Variants in TTC39A observed in about 807,000 individuals in gnomAD.
The protein encoded by TTC39A is tetratricopeptide repeat domain 39A, also known as tetratricopeptide repeat protein 39A.
TTC39A carries 46 observed loss-of-function variants against 82.3 expected under a neutral mutation model. The observed-to-expected ratio is 0.56, with a 90% CI of 0.44 to 0.71. The LOEUF is 0.71. TTC39A is among the 30% of genes least tolerant of loss of function. The probability of loss-of-function intolerance (pLI) is 0.00; values close to 1 mark genes in which losing one functional copy is unlikely to be tolerated. For synonymous variants in TTC39A, 254 were observed against 275.2 expected (o/e 0.92, Z 0.76); for missense variants, 543 against 712.9 (o/e 0.76, Z 2.71).
Position 51,321,508 on chromosome 1 carries a change from TAAG to T in TTC39A, c.146+210_146+212del, listed in dbSNP as rs892577450. Among the ~76,000 whole-genome samples the T allele has an allele frequency of 5.9e-5, 9 of 152,136 alleles. No homozygotes were observed. Among genetic ancestry groups the T allele is most frequent in the East Asian group, 1.9e-4 (1 of 5,192 alleles). ...AAAGTGTGAAGAACCCTCAAGAGCCTAAGAAGAAGCAAGTCACAGTGACCTTGG... is the reference window on the plus strand; with the variant it reads ...AAAGTGTGAAGAACCCTCAAGAGCCTAAGAAGCAAGTCACAGTGACCTTGG... On this transcript the variant is annotated intron_variant, in intron 2 of 17. Transcript: ENST00000680483. The surrounding 1 kb of genome is among the most constrained non-coding windows in gnomAD (Gnocchi z 4.6).
At chr1:51,340,040 A>G (rs917732167) in intron 1 of TTC39A, among the ~76,000 whole-genome samples, 2 of 152,174 alleles carry the variant, frequency 1.3e-5, no homozygotes, top group African/African-American at 4.8e-5. Context: ...CCATGTGAAG[A>G]CACAGCAAGA....
At chr1:51,334,553 T>G (rs1645951076), upstream of TTC39A, among the ~76,000 whole-genome samples, 1 of 149,950 alleles carries the variant, frequency 6.7e-6, no homozygotes, top group South Asian at 2.1e-4. Flanking sequence ...TACTCCAGAG[T>G]CTGAGGCAGG....
At chr1:51,296,873 C>G (rs1019831369) in intron 12 of TTC39A, 1 of 154,744 alleles carries the variant, frequency 6.5e-6, no homozygotes, top group Non-Finnish European at 1.4e-5. Context: ...ACAGCCAGCC[C>G]TGACAGGGAA....
chr1:51,342,996 A>T (rs925388716), intron 1 of TTC39A: 1 of 455,452 alleles, frequency 2.2e-6, no homozygotes, highest in African/African-American at 2.0e-5. Context: ...AGAGGTGTGT[A>T]ACATACATAC....
At position 51,288,400 on chromosome 1, in the gene TTC39A, C is replaced by A; in HGVS notation, c.1611-120G>T. 1 of 1,504,384 alleles carries A rather than the reference C, an allele frequency of 6.6e-7. No individual in the cohort carries two copies. Among genetic ancestry groups the A allele is most frequent in the Non-Finnish European group, 9.0e-7 (1 of 1,113,526 alleles). 93.2% of individuals were successfully genotyped at this position (1,504,384 alleles called of 1,614,324 possible). A position where few individuals can be genotyped will look rare whatever the true frequency, so the allele number is the denominator to read the frequency against. ...AGGATTGTAGAGAAATTAATGTGTC[C>A]AGAGAGAGTTGAGCCCTACCCAATG... On this transcript the variant is annotated intron_variant, in intron 17 of 17. Coordinates refer to ENST00000680483, the MANE Select transcript of TTC39A (RefSeq NM_001297663.2). This position sits in a 1 kb window ranked among gnomAD's most constrained non-coding sequence, Gnocchi z 4.8.
At chr1:51,314,999 A>G (rs1645231095) in intron 2 of TTC39A, among the ~76,000 whole-genome samples, 1 of 152,092 alleles carries the variant, frequency 6.6e-6, no homozygotes, top group Admixed American at 6.5e-5. Flanking sequence ...CCCTGGCAGC[A>G]CACAGACCCA....
chr1:51,289,555 C>T (rs1644123227), intron 16 of TTC39A, among the ~76,000 whole-genome samples: 2 of 152,214 alleles, frequency 1.3e-5, no homozygotes, highest in African/African-American at 4.8e-5. Flanking sequence ...GAACTTCCCA[C>T]TTTCAACATC....
upstream of TTC39A, among the ~76,000 whole-genome samples, chr1:51,332,218 C>A (rs755259877): frequency 8.5e-5 from 13 of 152,164 alleles, no homozygotes; most frequent in African/African-American, 3.1e-4. Flanking sequence ...TTTGAAAATC[C>A]GAAATCCAGA....
At chr1:51,313,786 C>A (rs1052943320) in intron 2 of TTC39A, among the ~76,000 whole-genome samples, 1 of 152,194 alleles carries the variant, frequency 6.6e-6, no homozygotes, top group African/African-American at 2.4e-5. Context: ...ATTGTTTGAG[C>A]CCAGGAGTTT....
intron 12 of TTC39A, 129 bp downstream of exon 12, chr1:51,301,443 A>G (rs1422316834): frequency 8.1e-6 from 10 of 1,232,772 alleles, no homozygotes; most frequent in East Asian, 5.2e-5. Flanking sequence ...CCTGAGTCCT[A>G]TTAGAATTTA....
At chr1:51,311,083 T>C (rs1645064737) in intron 5 of TTC39A, among the ~76,000 whole-genome samples, 171 bp downstream of exon 5, 1 of 152,212 alleles carries the variant, frequency 6.6e-6, no homozygotes. Context: ...TCACTTCCCT[T>C]TGAGCCCCGC....
chr1:51,297,455 G>C (rs1644480541), intron 12 of TTC39A: 1 of 152,234 alleles, frequency 6.6e-6, no homozygotes, highest in Admixed American at 6.6e-5. Flanking sequence ...CTGACCTCAA[G>C]CTATCCGCCC....
At chr1:51,306,118 G>T (rs770039104) in intron 6 of TTC39A, 42 bp from the exon 7 acceptor site, 8 of 1,562,054 alleles carry the variant, frequency 5.1e-6, no homozygotes, top group Non-Finnish European at 7.1e-6. Flanking sequence ...ACTGCTGGGG[G>T]TGGGGGGTAG....
Position 51,288,274 on chromosome 1 carries a change from G to A in TTC39A, c.1617C>T (p.Asn539=), listed in dbSNP as rs1259841764. The A allele has an allele frequency of 6.8e-6, 11 of 1,613,978 alleles. No individual in the cohort carries two copies. Among genetic ancestry groups the A allele is most frequent in the Non-Finnish European group, 8.5e-6 (10 of 1,179,880 alleles). The change falls in exon 18 of 18, where the codon AAC becomes AAT. Residue 539 remains asparagine, a synonymous_variant. Transcript: ENST00000680483. The surrounding 1 kb of genome is among the most constrained non-coding windows in gnomAD (Gnocchi z 4.8). ...TTGACTCCATGGAGTAATTCTTGTA[G>A]TTTTGCCTGGAATTGAGCAGCGAAT... is the stretch of plus-strand genomic sequence containing the variant. ...AIKLLESAKQ[N]YKNYSMESRT... is the part of the protein sequence containing the mutation.
At chr1:51,325,984 G>C (rs1321219199) in intron 1 of TTC39A, 7 of 152,452 alleles carry the variant, frequency 4.6e-5, no homozygotes, top group African/African-American at 1.4e-4. Flanking sequence ...GGGGCGAGCT[G>C]AGCCCTGGGC....
chr1:51,321,942 C>T lies in TTC39A; in HGVS notation c.42-117G>A. The T allele has an allele frequency of 7.6e-7, 1 of 1,321,822 alleles. No homozygotes were observed. Among genetic ancestry groups the T allele is most frequent in the Non-Finnish European group, 1.1e-6 (1 of 951,652 alleles). 81.9% of individuals were successfully genotyped at this position (1,321,822 alleles called of 1,614,324 possible). A position where few individuals can be genotyped will look rare whatever the true frequency, so the allele number is the denominator to read the frequency against. On this transcript the variant is annotated intron_variant, in intron 1 of 17. Transcript: ENST00000680483. The surrounding 1 kb of genome is among the most constrained non-coding windows in gnomAD (Gnocchi z 4.6). ...TCCCTGGCCAGCCTTGGGTGCCTGT[C>T]ACGAGCTCCTCCAGGCTGCCACTCT...
intron 2 of TTC39A, among the ~76,000 whole-genome samples, chr1:51,314,623 C>T (rs574784560): frequency 2.0e-5 from 3 of 152,342 alleles, no homozygotes; most frequent in African/African-American, 7.2e-5. Context: ...CAGCCAGGGG[C>T]ACTCTCTGGA....
chr1:51,318,492 C>T (rs745734175), intron 2 of TTC39A, among the ~76,000 whole-genome samples: 7 of 152,158 alleles, frequency 4.6e-5, no homozygotes, highest in Non-Finnish European at 7.4e-5. Context: ...CGCCCTGGAA[C>T]ACCCACCCCA....
At chr1:51,339,365 T>C (rs1646009016) in intron 1 of TTC39A, among the ~76,000 whole-genome samples, 1 of 152,212 alleles carries the variant, frequency 6.6e-6, no homozygotes. Flanking sequence ...TTGAAAGTGG[T>C]AGATTTCCGC....
Sources: gnomAD v4.1 joint callset for allele counts (sites outside exome capture counted in the v4.1 genomes callset) on GRCh38, gnomAD v4.1.1 for gene constraint, Gnocchi (gnomAD v3.1) non-coding constraint, MANE v1.5 for transcripts, NCBI Gene and HGNC (gene_info 2026-07-23, HGNC 2026-07-21) for gene names.